The following HOXC6 variants were observed in gnomAD, a reference collection of about 807,000 sequenced individuals.
The protein encoded by HOXC6 is homeobox protein Hox-C6.
In HOXC6, 10 loss-of-function variants were observed where a neutral mutation model predicts 24.0. The observed-to-expected ratio is 0.42, with a 90% CI of 0.26 to 0.71. The LOEUF (loss-of-function observed/expected upper bound fraction) is 0.71. Among genes scored for constraint, HOXC6 ranks in the 30% least tolerant of loss-of-function variants. The pLI, the probability that HOXC6 is intolerant of heterozygous loss-of-function variation, is 0.28. For synonymous variants in HOXC6, 123 were observed against 128.1 expected (o/e 0.96, Z 0.27); for missense variants, 258 against 303.4 (o/e 0.85, Z 1.11).
At chr12:54,022,183 C>A (rs1940479537) in intron 1 of HOXC6, 1 of 152,154 alleles carries the variant, frequency 6.6e-6, no homozygotes, top group African/African-American at 2.4e-5. Flanking sequence ...CCCCCACTAC[C>A]CCACTCCTTT....
intron 1 of HOXC6, among the ~76,000 whole-genome samples, chr12:54,017,963 C>G (rs575142260): frequency 5.3e-5 from 8 of 152,282 alleles, no homozygotes; most frequent in African/African-American, 1.9e-4. Flanking sequence ...AGTGTGGGCC[C>G]AGGGCCGGGC....
chr12:54,022,323 T>C (rs1194748249), intron 1 of HOXC6: 1 of 152,194 alleles, frequency 6.6e-6, no homozygotes, highest in African/African-American at 2.4e-5. Context: ...AAAATTGCAG[T>C]GAATTTAAGC....
chr12:54,028,265 A>G, upstream of HOXC6: 1 of 71,380 alleles, frequency 1.4e-5, no homozygotes, highest in South Asian at 3.1e-4. Flanking sequence ...ATATATATAT[A>G]TATTTTTTAA....
chr12:54,029,056 G>A (rs1188030417), intron 1 of HOXC6, 135 bp downstream of exon 1: 1 of 870,208 alleles, frequency 1.1e-6, no homozygotes. Flanking sequence ...ACCGAGACAG[G>A]GCCCCCTCTT....
intron 1 of HOXC6, 46 bp downstream of exon 1, chr12:54,028,967 C>A: frequency 6.5e-7 from 1 of 1,532,270 alleles, no homozygotes; most frequent in Non-Finnish European, 8.8e-7. Context: ...ACTGAACTGG[C>A]TTTATGACCG....
chr12:54,029,001 G>A, intron 1 of HOXC6, 80 bp downstream of exon 1: 2 of 1,413,832 alleles, frequency 1.4e-6, no homozygotes, highest in Non-Finnish European at 1.9e-6. Context: ...AACGGGCGGA[G>A]AGAGTTTTTT....
At chr12:54,018,250 T>A (rs2136413290) in intron 1 of HOXC6, among the ~76,000 whole-genome samples, 1 of 152,278 alleles carries the variant, frequency 6.6e-6, no homozygotes, top group South Asian at 2.1e-4. Flanking sequence ...CCGGCGCCCC[T>A]CACCCCCAGC....
At chr12:54,017,922 A>C (rs959863233) in intron 1 of HOXC6, among the ~76,000 whole-genome samples, 11 of 151,982 alleles carry the variant, frequency 7.2e-5, no homozygotes, top group African/African-American at 2.7e-4. Flanking sequence ...TCCCTCCCAG[A>C]GAGCGCGACT....
upstream of HOXC6, among the ~76,000 whole-genome samples, chr12:54,024,249 G>A (rs1171334162): frequency 2.0e-5 from 3 of 152,250 alleles, no homozygotes; most frequent in South Asian, 4.1e-4. Context: ...GGGTGGTGGG[G>A]GCAGGGTCGG....
At chr12:54,023,460 T>G (rs569816758), upstream of HOXC6, among the ~76,000 whole-genome samples, 1 of 152,256 alleles carries the variant, frequency 6.6e-6, no homozygotes, top group East Asian at 1.9e-4. Flanking sequence ...AGCCCTTCCA[T>G]ATACCTTTCT....
chr12:54,026,972 G>T (rs920391689), upstream of HOXC6, among the ~76,000 whole-genome samples: 15 of 139,018 alleles, frequency 1.1e-4, no homozygotes, highest in East Asian at 3.0e-3. Flanking sequence ...GGTGGGGGGG[G>T]GGGGATATGA....
chr12:54,023,224 A>C (rs1356444956), intron 1 of HOXC6, among the ~76,000 whole-genome samples: 1 of 152,158 alleles, frequency 6.6e-6, no homozygotes, highest in Non-Finnish European at 1.5e-5. Context: ...TTCCAGATGG[A>C]GCTGGAAGGG....
At position 54,028,814 on chromosome 12, in the gene HOXC6, C is replaced by T. The variant is rs1940850609; in HGVS notation, c.293C>T (p.Thr98Ile). ...RQNTLGHNTQ[T>I]SIAQDFSSEQ... Reference sequence around the variant, plus strand: ...AACACCTTAGGACATAACACACAGACCTCAATCGCTCAGGATTTTAGTTCT... The same window carrying T: ...AACACCTTAGGACATAACACACAGATCTCAATCGCTCAGGATTTTAGTTCT... The change falls in exon 1 of 2, where the codon ACC becomes ATC. Residue 98 changes from threonine (T) to isoleucine (I), a missense_variant. Thr to Ile is a moderately conservative substitution (Grantham distance 89). Coordinates refer to ENST00000243108, the MANE Select transcript of HOXC6 (RefSeq NM_004503.4). 3 of 1,614,168 alleles carry T rather than the reference C, an allele frequency of 1.9e-6. No homozygotes were observed. The highest frequency in any genetic ancestry group is 2.2e-5 in the South Asian group (2 of 91,074).
rs1417034120 is a variant in HOXC6 at position 54,028,799 on chromosome 12, G to A, written c.278G>A (p.Gly93Glu). The A allele has an allele frequency of 6.2e-7, 1 of 1,613,960 alleles. No individual in the cohort carries two copies. Among genetic ancestry groups the A allele is most frequent in the Non-Finnish European group, 8.5e-7 (1 of 1,180,020 alleles). Reference protein sequence around the residue: ...MLSNCRQNTLGHNTQTSIAQD... With the variant: ...MLSNCRQNTLEHNTQTSIAQD... Reference sequence around the variant, plus strand: ...TCAAACTGCAGACAAAACACCTTAGGACATAACACACAGACCTCAATCGCT... The same window carrying A: ...TCAAACTGCAGACAAAACACCTTAGAACATAACACACAGACCTCAATCGCT... Residue 93 changes from glycine (G) to glutamate (E), a missense_variant, in exon 1 of 2, where the codon GGA (glycine) becomes GAA (glutamate). Coordinates refer to ENST00000243108, the MANE Select transcript of HOXC6 (RefSeq NM_004503.4).
Position 54,030,014 on chromosome 12 carries a change from A to G in HOXC6, c.*52A>G, listed in dbSNP as rs1460238040. 3 of 1,414,192 alleles carry G rather than the reference A, an allele frequency of 2.1e-6. No individual in the cohort carries two copies. Among genetic ancestry groups the G allele is most frequent in the African/African-American group, 2.9e-5 (2 of 68,692 alleles). The allele number at this position is 1,414,192 out of a possible 1,614,324, so 87.6% of individuals were successfully genotyped here. On this transcript the variant is annotated 3_prime_UTR_variant, in exon 2 of 2. Coordinates refer to ENST00000243108, the MANE Select transcript of HOXC6 (RefSeq NM_004503.4). Reference sequence around the variant, plus strand: ...TCCCTTTCTCCCTCGCTCCCCACCAACTCTCCCCTAATCACACACTCTGTA... The same window carrying G: ...TCCCTTTCTCCCTCGCTCCCCACCAGCTCTCCCCTAATCACACACTCTGTA...
upstream of HOXC6, among the ~76,000 whole-genome samples, chr12:54,026,974 G>C (rs1047639883): frequency 3.8e-4 from 51 of 132,920 alleles, 1 homozygote; most frequent in Non-Finnish European, 6.6e-4. Flanking sequence ...TGGGGGGGGG[G>C]GGATATGAGC....
At chr12:54,022,167 C>T (rs1278688109) in intron 1 of HOXC6, 1 of 152,090 alleles carries the variant, frequency 6.6e-6, no homozygotes, top group African/African-American at 2.4e-5. Context: ...CCCCCATCAA[C>T]CCAGTCCCCC....
At chr12:54,027,509 A>G (rs967627685), upstream of HOXC6, among the ~76,000 whole-genome samples, 1 of 152,206 alleles carries the variant, frequency 6.6e-6, no homozygotes, top group Non-Finnish European at 1.5e-5. Context: ...TCTCACCAAC[A>G]TAAACAGGAG....
chr12:54,025,555 T>G (rs1012325325), upstream of HOXC6, among the ~76,000 whole-genome samples: 46 of 151,438 alleles, frequency 3.0e-4, 1 homozygote, highest in African/African-American at 9.7e-4. Context: ...TGAAAATTAA[T>G]TTTGCCAAAG....
Sources: gnomAD v4.1 joint callset for allele counts (sites outside exome capture counted in the v4.1 genomes callset) on GRCh38, gnomAD v4.1.1 for gene constraint, MANE v1.5 for transcripts, NCBI Gene and HGNC (gene_info 2026-07-23, HGNC 2026-07-21) for gene names.